ALK: variants seen among roughly 807,000 people sequenced by gnomAD.
ALK encodes ALK receptor tyrosine kinase.
Under a neutral mutation model 163.1 loss-of-function variants are expected in ALK, and 74 were observed. That is an observed-to-expected ratio of 0.45 (90% CI 0.38 to 0.55). The LOEUF is 0.55. Among genes scored for constraint, ALK ranks in the 20% least tolerant of loss-of-function variants. ALK has a pLI of 0.00. For missense variants in ALK, 2,063 were observed against 2,105.3 expected, an observed-to-expected ratio of 0.98 and a Z score of 0.39; for synonymous variants, 960 against 843.2, an observed-to-expected ratio of 1.14 and a Z score of -2.40.
rs1558618165 is a variant in ALK at position 29,215,702 on chromosome 2, CGT to C, written c.3646-1623_3646-1622del. On this transcript the variant is annotated intron_variant, in intron 23 of 28. Transcript: ENST00000389048. The stretch of plus-strand genomic sequence containing the variant: ...AGAGAGTGCCTGAAGGGGGTTGGAG[CGT>C]ATGTATGTGACTACAGTGCCCAATG... Among the ~76,000 whole-genome samples, 16 of 151,356 alleles carry C rather than the reference CGT, an allele frequency of 1.1e-4. No homozygotes were observed. The East Asian group carries it at 2.1e-3, about 20-fold the overall frequency.
intron 9 of ALK, among the ~76,000 whole-genome samples, chr2:29,280,955 G>C (rs755460386): frequency 4.0e-5 from 6 of 151,686 alleles, no homozygotes; most frequent in Admixed American, 6.6e-5. Context: ...TATGTACCAG[G>C]TGAACCACTC....
At chr2:29,413,010 C>T (rs1669768150) in intron 4 of ALK, among the ~76,000 whole-genome samples, 1 of 152,206 alleles carries the variant, frequency 6.6e-6, no homozygotes, top group Admixed American at 6.5e-5. Flanking sequence ...TGGCATGTGA[C>T]ATGCTTGACG....
At chr2:29,732,117 T>C (rs953666866) in intron 1 of ALK, among the ~76,000 whole-genome samples, 6 of 152,182 alleles carry the variant, frequency 3.9e-5, no homozygotes, top group African/African-American at 1.4e-4. Flanking sequence ...ATTGCTACAA[T>C]AGGGAGAAAA....
At chr2:29,918,737 A>T (rs1356357904) in intron 1 of ALK, among the ~76,000 whole-genome samples, 1 of 152,204 alleles carries the variant, frequency 6.6e-6, no homozygotes, top group Non-Finnish European at 1.5e-5. Flanking sequence ...AGCATGCAAG[A>T]TACTTGTAGC....
chr2:29,419,261 G>T (rs918745341), intron 4 of ALK, among the ~76,000 whole-genome samples: 3 of 151,356 alleles, frequency 2.0e-5, no homozygotes, highest in Middle Eastern at 3.4e-3. Flanking sequence ...CACCATGTTG[G>T]CCAGTCTGGT....
At chr2:29,660,148 T>A (rs1009179089) in intron 3 of ALK, among the ~76,000 whole-genome samples, 7 of 152,152 alleles carry the variant, frequency 4.6e-5, no homozygotes, top group Non-Finnish European at 8.8e-5. Flanking sequence ...AGCACGGTCC[T>A]TCTGTCCACC....
chr2:29,618,128 C>T (rs1273570251), intron 3 of ALK, among the ~76,000 whole-genome samples: 1 of 152,238 alleles, frequency 6.6e-6, no homozygotes, highest in Non-Finnish European at 1.5e-5. Context: ...TGCTGACCAA[C>T]ATTCACTCCA....
At chr2:29,901,781 C>T (rs964044182) in intron 1 of ALK, among the ~76,000 whole-genome samples, 13 of 152,134 alleles carry the variant, frequency 8.5e-5, no homozygotes, top group Non-Finnish European at 8.8e-5. Context: ...GGAAGATCGC[C>T]GTATCTTCTG....
At chr2:29,301,082 C>G (rs573934554) in intron 8 of ALK, among the ~76,000 whole-genome samples, 83 of 152,322 alleles carry the variant, frequency 5.4e-4, no homozygotes, top group African/African-American at 1.9e-3. Flanking sequence ...CAGTTTTCAC[C>G]TAGCAATCCA....
intron 10 of ALK, 64 bp downstream of exon 10, chr2:29,275,338 G>C: frequency 6.2e-7 from 1 of 1,607,684 alleles, no homozygotes; most frequent in African/African-American, 1.3e-5. Context: ...GGCTGAGGAG[G>C]GGACAATGAG....
intron 8 of ALK, among the ~76,000 whole-genome samples, chr2:29,297,382 G>A (rs891703319): frequency 1.3e-5 from 2 of 152,174 alleles, no homozygotes; most frequent in African/African-American, 2.4e-5. Context: ...AGATCAATGG[G>A]GTAGTAAATG....
At chr2:29,806,238 G>T (rs1263439959) in intron 1 of ALK, among the ~76,000 whole-genome samples, 2 of 152,174 alleles carry the variant, frequency 1.3e-5, no homozygotes, top group African/African-American at 4.8e-5. Context: ...ATCACACGGT[G>T]TGCGTGTGTG....
At chr2:29,493,919 C>T (rs55897575) in intron 4 of ALK, among the ~76,000 whole-genome samples, 39,471 of 152,172 alleles carry the variant, frequency 0.26, 6,082 homozygotes, top group Non-Finnish European at 0.35. Flanking sequence ...GGAGAAGGCT[C>T]TTTCACCCTT....
chr2:29,898,190 T>C (rs866663234), intron 1 of ALK, among the ~76,000 whole-genome samples: 9 of 152,360 alleles, frequency 5.9e-5, no homozygotes, highest in African/African-American at 9.6e-5. Context: ...GAGCTGTCCA[T>C]AGCAGGCCTG....
intron 11 of ALK, among the ~76,000 whole-genome samples, chr2:29,264,948 G>A (rs770655950): frequency 6.6e-5 from 10 of 151,962 alleles, no homozygotes; most frequent in South Asian, 2.1e-4. Flanking sequence ...ACACAATTGC[G>A]CACACCAGCC....
chr2:29,797,482 T>C (rs1664349174), intron 1 of ALK, among the ~76,000 whole-genome samples: 1 of 152,186 alleles, frequency 6.6e-6, no homozygotes, highest in Non-Finnish European at 1.5e-5. Flanking sequence ...CCTTCTCCCA[T>C]CAAAGGACAG....
intron 1 of ALK, among the ~76,000 whole-genome samples, chr2:29,889,765 A>T (rs979978342): frequency 3.0e-5 from 4 of 135,528 alleles, no homozygotes; most frequent in Non-Finnish European, 6.2e-5. Context: ...GAGAGAAACC[A>T]GGAGGGCAGG....
intron 4 of ALK, among the ~76,000 whole-genome samples, chr2:29,444,872 C>G (rs1670633529): frequency 6.6e-6 from 1 of 152,156 alleles, no homozygotes; most frequent in African/African-American, 2.4e-5. Context: ...CTCCTTGGTC[C>G]TGCCCATGCC....
intron 2 of ALK, among the ~76,000 whole-genome samples, chr2:29,708,119 G>A (rs935949647): frequency 1.3e-5 from 2 of 152,214 alleles, no homozygotes; most frequent in East Asian, 3.9e-4. Flanking sequence ...CCAGGCTGGA[G>A]TGCAATGGTG....
Sources: gnomAD v4.1 joint callset for allele counts (sites outside exome capture counted in the v4.1 genomes callset) on GRCh38, gnomAD v4.1.1 for gene constraint, MANE v1.5 for transcripts, NCBI Gene and HGNC (gene_info 2026-07-23, HGNC 2026-07-21) for gene names.